The following THSD7B variants were observed in gnomAD, a reference collection of about 807,000 sequenced individuals.
THSD7B encodes the protein thrombospondin type-1 domain-containing protein 7B.
THSD7B carries 138 observed loss-of-function variants against 213.6 expected under a neutral mutation model. That is an observed-to-expected ratio of 0.65 (90% CI 0.56 to 0.74). The LOEUF is 0.74. Among genes scored for constraint, THSD7B ranks in the 30% least tolerant of loss-of-function variants. The pLI is 0.00. For synonymous variants in THSD7B, 742 were observed against 687.0 expected, an observed-to-expected ratio of 1.08 and a Z score of -1.25; for missense variants, 1,931 against 1,991.5, an observed-to-expected ratio of 0.97 and a Z score of 0.58.
chr2:137,060,029 A>T (rs1251291750), intron 3 of THSD7B, among the ~76,000 whole-genome samples: 1 of 152,014 alleles, frequency 6.6e-6, no homozygotes, highest in Non-Finnish European at 1.5e-5. Context: ...CATCACTGGG[A>T]TTTGTTGTCA....
chr2:137,292,755 A>T (rs961585679), intron 12 of THSD7B, among the ~76,000 whole-genome samples: 1 of 151,944 alleles, frequency 6.6e-6, no homozygotes, highest in African/African-American at 2.4e-5. Context: ...CCTTTCTTTA[A>T]CTCCCAACTG....
At chr2:137,076,030 G>C (rs112703014) in intron 3 of THSD7B, among the ~76,000 whole-genome samples, 14,778 of 152,248 alleles carry the variant, frequency 0.097, 987 homozygotes, top group African/African-American at 0.19. Context: ...CTACTCGGGG[G>C]TCAGGGACCC....
chr2:136,880,383 C>T (rs1174049812), intron 1 of THSD7B, among the ~76,000 whole-genome samples: 1 of 152,088 alleles, frequency 6.6e-6, no homozygotes, highest in Non-Finnish European at 1.5e-5. Context: ...TTTTACTGTT[C>T]AATCTTTTTA....
intron 7 of THSD7B, among the ~76,000 whole-genome samples, chr2:137,191,060 T>C (rs1680647209): frequency 2.0e-5 from 3 of 152,236 alleles, no homozygotes; most frequent in Non-Finnish European, 4.4e-5. Flanking sequence ...CAAAAGATCC[T>C]GGGGCCCGAG....
chr2:136,781,806 C>G (rs1176331341), intron 1 of THSD7B, among the ~76,000 whole-genome samples: 1 of 152,128 alleles, frequency 6.6e-6, no homozygotes, highest in Non-Finnish European at 1.5e-5. Context: ...CTCCTGTCTC[C>G]GTGGCCATGG....
intron 3 of THSD7B, among the ~76,000 whole-genome samples, chr2:137,064,127 T>C (rs1241351938): frequency 2.0e-5 from 3 of 152,024 alleles, no homozygotes; most frequent in Admixed American, 2.0e-4. Flanking sequence ...CAACCAACAG[T>C]GTACAGTGAT....
intron 2 of THSD7B, among the ~76,000 whole-genome samples, chr2:137,033,688 C>T (rs1686717786): frequency 6.6e-6 from 1 of 152,126 alleles, no homozygotes; most frequent in Non-Finnish European, 1.5e-5. Flanking sequence ...TCTCGGCTCA[C>T]TGCAACCTCT....
At chr2:136,773,591 T>G (rs1681548388) in intron 1 of THSD7B, among the ~76,000 whole-genome samples, 1 of 152,146 alleles carries the variant, frequency 6.6e-6, no homozygotes, top group African/African-American at 2.4e-5. Flanking sequence ...GTATTACATC[T>G]TTAAAACCCA....
chr2:137,362,600 A>G lies in THSD7B; in HGVS notation c.2501-43013A>G, dbSNP rs540429466. Among the ~76,000 whole-genome samples, 1,361 of 152,296 alleles carry G rather than the reference A, an allele frequency of 8.9e-3. 30 individuals carry two copies. The highest frequency in any genetic ancestry group is 0.031 in the African/African-American group (1,284 of 41,544). On this transcript the variant is annotated intron_variant, in intron 12 of 27. Transcript: ENST00000409968. ...GGTTGCAATCCTCGTCTCTGACAAA[A>G]ACAGTCTTTAAACCAACAAAGATCA...
At position 137,094,887 on chromosome 2, in the gene THSD7B, A is replaced by T; in HGVS notation, c.965A>T (p.Asp322Val). 6.2e-7 allele frequency: 1 copy of T among 1,612,206 alleles called. No individual in the cohort carries two copies. Among genetic ancestry groups the T allele is most frequent in the Non-Finnish European group, 8.5e-7 (1 of 1,178,726 alleles). Reference protein sequence around the residue: ...QNAMLSLCLQDSFPLTVQSCI... With the variant: ...QNAMLSLCLQVSFPLTVQSCI... ...GTTTTTTTCAGCCTTTGCCTTCAAGATTCCTTCCCATTGACTGTTCAGTCC... is the reference window on the plus strand; with the variant it reads ...GTTTTTTTCAGCCTTTGCCTTCAAGTTTCCTTCCCATTGACTGTTCAGTCC... The change falls in exon 4 of 28, where the codon GAT becomes GTT. Residue 322 changes from aspartate to valine, a missense_variant. Transcript: ENST00000409968.
chr2:137,350,850 A>G (rs1684997093), intron 12 of THSD7B, among the ~76,000 whole-genome samples: 1 of 151,938 alleles, frequency 6.6e-6, no homozygotes, highest in Admixed American at 6.6e-5. Flanking sequence ...GGAAAGACGA[A>G]ACCAGGACAA....
intron 1 of THSD7B, among the ~76,000 whole-genome samples, chr2:136,797,029 G>A (rs1175856211): frequency 7.1e-6 from 1 of 141,494 alleles, no homozygotes. Context: ...AAAAACTGAA[G>A]ACTCATTTGT....
In THSD7B at chr2:136,765,948, G is replaced by C. The variant is rs111892475; in HGVS notation, c.-36+261G>C. On this transcript the variant is annotated intron_variant, in intron 1 of 27. Coordinates refer to ENST00000409968, the MANE Select transcript of THSD7B (RefSeq NM_001316349.2). ...GTGTGCGGAGACCCTCTAGGCGGGCGGGGACGCCCCACGCGGCGACCTGAG... is the reference window on the plus strand; with the variant it reads ...GTGTGCGGAGACCCTCTAGGCGGGCCGGGACGCCCCACGCGGCGACCTGAG... Among the ~76,000 whole-genome samples the C allele has an allele frequency of 5.4e-4, 83 of 152,342 alleles. 1 individual carries two copies. The East Asian group carries it at 0.013, about 24-fold the overall frequency.
intron 15 of THSD7B, among the ~76,000 whole-genome samples, chr2:137,536,542 A>C (rs1017491917): frequency 4.0e-5 from 6 of 151,818 alleles, no homozygotes; most frequent in Non-Finnish European, 8.8e-5. Context: ...AAGAAGAAAG[A>C]TTAAGATTGC....
intron 15 of THSD7B, among the ~76,000 whole-genome samples, chr2:137,560,411 A>G (rs1273767516): frequency 1.3e-5 from 2 of 152,204 alleles, no homozygotes; most frequent in African/African-American, 4.8e-5. Context: ...TGTCCTTTGT[A>G]GGGACATGGA....
intron 27 of THSD7B, among the ~76,000 whole-genome samples, chr2:137,676,049 G>A (rs34133441): frequency 0.024 from 3,721 of 152,246 alleles, 44 homozygotes; most frequent in Middle Eastern, 0.048. Context: ...TTTGCACGGA[G>A]TAGAATTGGT....
chr2:137,110,613 T>C (rs1244020006), intron 4 of THSD7B, among the ~76,000 whole-genome samples: 1 of 152,214 alleles, frequency 6.6e-6, no homozygotes, highest in Non-Finnish European at 1.5e-5. Context: ...GGGAGCAATG[T>C]TGGGAATTTG....
At chr2:136,846,749 A>G (rs926213736) in intron 1 of THSD7B, among the ~76,000 whole-genome samples, 1 of 152,156 alleles carries the variant, frequency 6.6e-6, no homozygotes, top group Non-Finnish European at 1.5e-5. Flanking sequence ...GAAGAAAATC[A>G]CCCACTGAAG....
At chr2:136,929,900 A>G (rs1684599722) in intron 2 of THSD7B, among the ~76,000 whole-genome samples, 1 of 152,214 alleles carries the variant, frequency 6.6e-6, no homozygotes, top group Admixed American at 6.5e-5. Context: ...TGAATTAGAA[A>G]CATAACATTT....
Sources: gnomAD v4.1 joint callset for allele counts (sites outside exome capture counted in the v4.1 genomes callset) on GRCh38, gnomAD v4.1.1 for gene constraint, MANE v1.5 for transcripts, NCBI Gene and HGNC (gene_info 2026-07-23, HGNC 2026-07-21) for gene names.